DISP1: variants seen among roughly 807,000 people sequenced by gnomAD.
The protein encoded by DISP1 is dispatched RND transporter family member 1.
Under a neutral mutation model 37.3 loss-of-function variants are expected in DISP1, and 30 were observed. That is an observed-to-expected ratio of 0.80 (90% CI 0.60 to 1.09). DISP1 has a LOEUF of 1.09. Among genes scored for constraint, DISP1 ranks in the 50% least tolerant of loss-of-function variants. The pLI is 0.00. For synonymous variants in DISP1, 634 were observed against 690.2 expected (o/e 0.92, Z 1.28); for missense variants, 1,598 against 1,879.5 (o/e 0.85, Z 2.77).
At chr1:222,864,025 G>A (rs772097368) in intron 1 of DISP1, among the ~76,000 whole-genome samples, 15 of 152,136 alleles carry the variant, frequency 9.9e-5, no homozygotes, top group African/African-American at 1.4e-4. Context: ...GCTACTAATA[G>A]CATTGGCTCT....
chr1:222,821,614 G>T (rs930394008), intron 1 of DISP1, among the ~76,000 whole-genome samples: 1 of 152,098 alleles, frequency 6.6e-6, no homozygotes, highest in South Asian at 2.1e-4. Context: ...AGTGGCTCAT[G>T]CCTGTAATTG....
At chr1:222,862,837 G>A (rs997801797) in intron 1 of DISP1, among the ~76,000 whole-genome samples, 3 of 152,104 alleles carry the variant, frequency 2.0e-5, no homozygotes, top group Admixed American at 6.5e-5. Context: ...AGCGTCAGTC[G>A]TATCTTTTGC....
In DISP1 at chr1:222,826,474, G is replaced by A. The variant is rs530994992; in HGVS notation, c.-159+11396G>A. Reference sequence around the variant, plus strand: ...CAGCTCACTGCAGCTTCAACCTCCTGGGCTCGAGTGATCCTCTTGCCTCAG... The same window carrying A: ...CAGCTCACTGCAGCTTCAACCTCCTAGGCTCGAGTGATCCTCTTGCCTCAG... On this transcript the variant is annotated intron_variant, in intron 1 of 8. Transcript: ENST00000675850. 2.8e-5 allele frequency among the ~76,000 whole-genome samples: 4 copies of A among 145,320 alleles called. No homozygotes were observed. In the East Asian group the frequency reaches 8.1e-4, roughly 29 times the overall value.
At chr1:222,882,781 GAAAT>G (rs1254714306) in intron 1 of DISP1, among the ~76,000 whole-genome samples, 1 of 152,028 alleles carries the variant, frequency 6.6e-6, no homozygotes. Flanking sequence ...AAACTTACTG[GAAAT>G]AAATGTTGAT....
Position 223,005,321 on chromosome 1 carries a change from C to T in DISP1, c.3924C>T (p.Ile1308=), listed in dbSNP as rs1486518369. 1 of 1,613,630 alleles carries T rather than the reference C, an allele frequency of 6.2e-7. No individual in the cohort carries two copies. Among genetic ancestry groups the T allele is most frequent in the South Asian group, 1.1e-5 (1 of 91,076 alleles). The change falls in exon 9 of 9, where the codon ATC becomes ATT. Residue 1308 remains isoleucine, a synonymous_variant. Coordinates refer to ENST00000675850, the MANE Select transcript of DISP1 (RefSeq NM_001377229.1). ...CTACCACTAGCAGCTTTGTCCAGATCCAAAACGGCGTGGCACCTCTGAAGG... is the reference window on the plus strand; with the variant it reads ...CTACCACTAGCAGCTTTGTCCAGATTCAAAACGGCGTGGCACCTCTGAAGG... ...CSPTTSSFVQ[I]QNGVAPLKAT...
intron 3 of DISP1, among the ~76,000 whole-genome samples, chr1:222,975,630 C>A (rs969900270): frequency 2.0e-5 from 3 of 152,120 alleles, no homozygotes; most frequent in African/African-American, 7.2e-5. Flanking sequence ...CCGCTTGGTA[C>A]CTCCCACTCT....
chr1:222,895,286 T>C (rs73128643), intron 1 of DISP1, among the ~76,000 whole-genome samples: 3,924 of 152,314 alleles, frequency 0.026, 184 homozygotes, highest in African/African-American at 0.088. Context: ...AAAGGCTCAT[T>C]AGGAACCTTT....
chr1:222,864,946 C>T lies in DISP1; in HGVS notation c.-159+49868C>T, dbSNP rs145640245. Among the ~76,000 whole-genome samples the T allele has an allele frequency of 1.5e-3, 220 of 151,696 alleles. 3 individuals are homozygous for T. The highest frequency in any genetic ancestry group is 5.2e-3 in the African/African-American group (212 of 41,060). On this transcript the variant is annotated intron_variant, in intron 1 of 8. Coordinates refer to ENST00000675850, the MANE Select transcript of DISP1 (RefSeq NM_001377229.1). Reference sequence around the variant, plus strand: ...TGGGGAAAAGCAGTAGGGTTTCATTCGCCTGTGCCCTCAAAGGTTACAGAG... The same window carrying T: ...TGGGGAAAAGCAGTAGGGTTTCATTTGCCTGTGCCCTCAAAGGTTACAGAG...
intron 3 of DISP1, among the ~76,000 whole-genome samples, chr1:222,972,586 T>C (rs1677042533): frequency 6.6e-6 from 1 of 152,180 alleles, no homozygotes; most frequent in African/African-American, 2.4e-5. Flanking sequence ...ACTTTGCTTA[T>C]AGGTATTGAC....
chr1:222,907,766 A>G (rs1415806320), intron 1 of DISP1, among the ~76,000 whole-genome samples: 1 of 152,138 alleles, frequency 6.6e-6, no homozygotes, highest in Non-Finnish European at 1.5e-5. Context: ...CCTGACCAAC[A>G]TGGTGAAACC....
rs1679784323 is a variant in DISP1, at chr1:223,005,007, G to A, written c.3610G>A (p.Ala1204Thr). The A allele has an allele frequency of 1.1e-5, 17 of 1,614,016 alleles. No homozygotes were observed. Among genetic ancestry groups the A allele is most frequent in the Middle Eastern group, 3.3e-4 (2 of 6,084 alleles). The change falls in exon 9 of 9, where the codon GCC becomes ACC. Residue 1204 changes from alanine to threonine, a missense_variant. Physicochemically the swap from Ala to Thr is moderately conservative, Grantham distance 58. Transcript: ENST00000675850. ...ACCTCTGGCTTCCCACAGCTGCACT[G>A]CCCCTGAGAAGACCACTTATGAAGA... ...LEPLASHSCT[A>T]PEKTTYEETH...
chr1:222,906,552 G>C (rs1343863068), intron 1 of DISP1, among the ~76,000 whole-genome samples: 1 of 152,184 alleles, frequency 6.6e-6, no homozygotes, highest in African/African-American at 2.4e-5. Context: ...TAAAGAAGCC[G>C]GCGAAAACTC....
intron 2 of DISP1, among the ~76,000 whole-genome samples, chr1:222,936,765 A>ATT (rs1673806129): frequency 8.0e-5 from 3 of 37,326 alleles, no homozygotes; most frequent in East Asian, 9.3e-4. Context: ...TGATATATAA[A>ATT]AATTATATAT....
At chr1:222,847,667 A>C (rs888068903) in intron 1 of DISP1, among the ~76,000 whole-genome samples, 2 of 151,518 alleles carry the variant, frequency 1.3e-5, no homozygotes, top group Non-Finnish European at 2.9e-5. Context: ...GGAAACCTGG[A>C]TTCTATTAAG....
At chr1:222,980,468 C>T in intron 3 of DISP1, among the ~76,000 whole-genome samples, 1 of 150,406 alleles carries the variant, frequency 6.6e-6, no homozygotes, top group East Asian at 2.0e-4. Flanking sequence ...TAAAAATTAC[C>T]TATATTAATA....
intron 3 of DISP1, chr1:222,943,605 A>AT (rs1480459873): frequency 2.0e-6 from 1 of 511,428 alleles, no homozygotes; most frequent in African/African-American, 1.9e-5. Flanking sequence ...GAGTTATAAA[A>AT]TTCAACAAAA....
At chr1:222,967,742 G>A (rs1184048073) in intron 3 of DISP1, among the ~76,000 whole-genome samples, 1 of 152,190 alleles carries the variant, frequency 6.6e-6, no homozygotes, top group Non-Finnish European at 1.5e-5. Context: ...TGCTTTGTAA[G>A]AAAGATCTAT....
chr1:222,836,862 A>C (rs758187769), intron 1 of DISP1: 3 of 375,630 alleles, frequency 8.0e-6, no homozygotes, highest in Non-Finnish European at 1.4e-5. Flanking sequence ...TGGCTTAATC[A>C]TTGCTGGCTA....
chr1:222,896,109 G>A (rs964227899), intron 1 of DISP1, among the ~76,000 whole-genome samples: 1 of 150,300 alleles, frequency 6.7e-6, no homozygotes, highest in African/African-American at 2.5e-5. Flanking sequence ...CCAGGAATTC[G>A]AGACCAACCT....
Sources: allele counts gnomAD v4.1 joint callset (sites outside exome capture counted in the v4.1 genomes callset), GRCh38; gene constraint gnomAD v4.1.1; transcripts MANE v1.5; gene names NCBI Gene and HGNC (gene_info 2026-07-23, HGNC 2026-07-21).